The following SGCZ variants were observed in gnomAD, a reference collection of about 807,000 sequenced individuals.
SGCZ encodes zeta-sarcoglycan.
In SGCZ, 40 loss-of-function variants were observed where a neutral mutation model predicts 41.3. The ratio of observed to expected loss-of-function variants is 0.97; its 90% CI spans 0.75 to 1.26. The LOEUF (loss-of-function observed/expected upper bound fraction) is 1.26. Ranked by LOEUF, SGCZ falls within the 50% of genes most tolerant of loss-of-function variation. The pLI is 0.00. For synonymous variants in SGCZ, 206 were observed against 137.5 expected (o/e 1.50, Z -3.49); for missense variants, 552 against 369.8 (o/e 1.49, Z -4.04).
intron 5 of SGCZ, among the ~76,000 whole-genome samples, chr8:14,163,381 C>T (rs769746558): frequency 2.6e-5 from 4 of 152,130 alleles, no homozygotes; most frequent in Non-Finnish European, 1.5e-5. Flanking sequence ...CATGTGTTCT[C>T]ATCATTTATA....
chr8:14,929,489 A>G lies in SGCZ; in HGVS notation c.39+308096T>C, dbSNP rs1388105292. Among the ~76,000 whole-genome samples, 6 of 150,972 alleles carry G rather than the reference A, an allele frequency of 4.0e-5. No homozygotes were observed. The East Asian group carries it at 1.2e-3, about 29-fold the overall frequency. ...CCTGGGAAATAAATGTCCTATAGAC[A>G]TTAGGTGAACCTGAGGCTGACGCAG... On this transcript the variant is annotated intron_variant, in intron 1 of 7. Coordinates refer to ENST00000382080, the MANE Select transcript of SGCZ (RefSeq NM_139167.4).
At chr8:15,222,420 G>A (rs972262444) in intron 1 of SGCZ, among the ~76,000 whole-genome samples, 1 of 151,754 alleles carries the variant, frequency 6.6e-6, no homozygotes, top group African/African-American at 2.4e-5. Flanking sequence ...CAGTTTTTCT[G>A]TCATGGAAAA....
chr8:14,593,953 T>C (rs1366897454), intron 1 of SGCZ, among the ~76,000 whole-genome samples: 1 of 151,976 alleles, frequency 6.6e-6, no homozygotes, highest in Non-Finnish European at 1.5e-5. Context: ...GATTGGTGGA[T>C]CACTTGAGGT....
At chr8:14,774,844 A>G (rs528932380) in intron 1 of SGCZ, among the ~76,000 whole-genome samples, 2 of 152,252 alleles carry the variant, frequency 1.3e-5, no homozygotes, top group Admixed American at 6.5e-5. Context: ...CTTCCTAATT[A>G]CTTCGTTAAC....
intron 1 of SGCZ, among the ~76,000 whole-genome samples, chr8:14,901,520 A>C (rs1408235175): frequency 6.6e-6 from 1 of 152,190 alleles, no homozygotes; most frequent in African/African-American, 2.4e-5. Flanking sequence ...GATTGAAAAA[A>C]TATCAATAGC....
chr8:14,397,283 T>C (rs903673226), intron 2 of SGCZ, among the ~76,000 whole-genome samples: 5 of 152,122 alleles, frequency 3.3e-5, no homozygotes, highest in South Asian at 2.1e-4. Flanking sequence ...TGTTCGAATA[T>C]AGTATTTCTG....
chr8:14,948,164 A>G (rs981345545), intron 1 of SGCZ, among the ~76,000 whole-genome samples: 9 of 152,218 alleles, frequency 5.9e-5, no homozygotes, highest in African/African-American at 1.9e-4. Flanking sequence ...GCCTGATCCT[A>G]GAACTCATCA....
At chr8:14,953,110 C>G (rs1387007092) in intron 1 of SGCZ, among the ~76,000 whole-genome samples, 1 of 152,090 alleles carries the variant, frequency 6.6e-6, no homozygotes, top group Non-Finnish European at 1.5e-5. Context: ...TCCGTTCTCA[C>G]AGTGCTATAA....
In SGCZ at chr8:14,116,770, A is replaced by G. The variant is rs541298055; in HGVS notation, c.548-8535T>C. Among the ~76,000 whole-genome samples, 66 of 152,192 alleles carry G rather than the reference A, an allele frequency of 4.3e-4. 1 individual carries two copies. Among genetic ancestry groups the G allele is most frequent in the African/African-American group, 1.5e-3 (63 of 41,558 alleles). The stretch of plus-strand genomic sequence containing the variant: ...TTACTTTCATTTGTTTTTTAACCAT[A>G]AGAGGACTGGTAGCATTCTTTTTAC... On this transcript the variant is annotated intron_variant, in intron 5 of 7. Coordinates refer to ENST00000382080, the MANE Select transcript of SGCZ (RefSeq NM_139167.4).
intron 3 of SGCZ, among the ~76,000 whole-genome samples, chr8:14,278,175 C>G (rs1800300208): frequency 1.3e-5 from 2 of 152,006 alleles, no homozygotes; most frequent in Non-Finnish European, 2.9e-5. Flanking sequence ...TACTTATTAC[C>G]CTCATAAAAT....
At chr8:15,129,487 T>G (rs1214186715) in intron 1 of SGCZ, among the ~76,000 whole-genome samples, 1 of 152,136 alleles carries the variant, frequency 6.6e-6, no homozygotes. Flanking sequence ...CTTATTGCCA[T>G]CAAATGTCCT....
chr8:14,875,086 A>T (rs921872334), intron 1 of SGCZ, among the ~76,000 whole-genome samples: 6 of 152,130 alleles, frequency 3.9e-5, no homozygotes, highest in African/African-American at 1.4e-4. Flanking sequence ...AACAATGGAA[A>T]TTTATTTCTC....
chr8:15,034,905 C>G (rs976497292), intron 1 of SGCZ, among the ~76,000 whole-genome samples: 2 of 152,048 alleles, frequency 1.3e-5, no homozygotes, highest in Non-Finnish European at 2.9e-5. Context: ...TCCAGATAAA[C>G]AAAACTGAAG....
chr8:15,223,170 G>T (rs550704816), intron 1 of SGCZ, among the ~76,000 whole-genome samples: 25 of 152,166 alleles, frequency 1.6e-4, no homozygotes, highest in Admixed American at 1.6e-3. Context: ...AAATAAACTT[G>T]GTTTACTGTC....
intron 5 of SGCZ, 88 bp downstream of exon 5, chr8:14,164,492 G>A: frequency 2.7e-6 from 4 of 1,499,702 alleles, no homozygotes; most frequent in South Asian, 1.2e-5. Flanking sequence ...TTAGGCATAG[G>A]AATCATCCAT....
chr8:14,218,138 A>C (rs1806065564), intron 4 of SGCZ, among the ~76,000 whole-genome samples: 1 of 152,204 alleles, frequency 6.6e-6, no homozygotes, highest in Admixed American at 6.5e-5. Flanking sequence ...AATAAGGCAA[A>C]GCATTTAAAA....
chr8:14,162,186 A>C (rs1282340020), intron 5 of SGCZ, among the ~76,000 whole-genome samples: 1 of 152,212 alleles, frequency 6.6e-6, no homozygotes, highest in African/African-American at 2.4e-5. Flanking sequence ...AGGCAAAGGT[A>C]ATACAAATAT....
intron 1 of SGCZ, among the ~76,000 whole-genome samples, chr8:15,019,366 C>T (rs774120241): frequency 6.6e-5 from 10 of 152,106 alleles, no homozygotes; most frequent in South Asian, 2.1e-4. Context: ...GGATCTGTGG[C>T]GTATGCACCC....
intron 2 of SGCZ, among the ~76,000 whole-genome samples, chr8:14,520,545 A>T (rs1245150701): frequency 1.3e-5 from 2 of 152,158 alleles, no homozygotes; most frequent in Non-Finnish European, 2.9e-5. Context: ...AATATAAAAC[A>T]CATCAATTTC....
Sources: allele counts gnomAD v4.1 joint callset (sites outside exome capture counted in the v4.1 genomes callset), GRCh38; gene constraint gnomAD v4.1.1; transcripts MANE v1.5; gene names NCBI Gene and HGNC (gene_info 2026-07-23, HGNC 2026-07-21).